The following SASH1 variants were observed in gnomAD, a reference collection of about 807,000 sequenced individuals.
The protein encoded by SASH1 is SAM and SH3 domain containing 1.
SASH1 carries 44 observed loss-of-function variants against 125.2 expected under a neutral mutation model. The observed-to-expected ratio is 0.35, with a 90% CI of 0.28 to 0.45. The LOEUF (loss-of-function observed/expected upper bound fraction) is 0.45. Among genes scored for constraint, SASH1 ranks in the 20% least tolerant of loss-of-function variants. The pLI, the probability that SASH1 is intolerant of heterozygous loss-of-function variation, is 1.00. For synonymous variants in SASH1, 639 were observed against 649.1 expected, an observed-to-expected ratio of 0.98 and a Z score of 0.24; for missense variants, 1,426 against 1,614.5, an observed-to-expected ratio of 0.88 and a Z score of 2.00.
intron 8 of SASH1, chr6:148,513,785 A>G: frequency 1.0e-6 from 1 of 985,966 alleles, no homozygotes; most frequent in Non-Finnish European, 1.2e-6. Context: ...GCAATGTGGC[A>G]GACAGTCTTA....
chr6:148,208,649 G>T, the SASH1 span, among the ~76,000 whole-genome samples: 1 of 152,172 alleles, frequency 6.6e-6, no homozygotes, highest in Non-Finnish European at 1.5e-5. Context: ...AATGAACAGG[G>T]GATAGGTTTA....
chr6:148,380,002 T>G (rs1454248676), intron 1 of SASH1: 1 of 455,664 alleles, frequency 2.2e-6, no homozygotes, highest in Middle Eastern at 3.3e-4. Flanking sequence ...AAGAGTATTT[T>G]TCAGTTGTTA....
chr6:148,516,705 C>A (rs1479196120), intron 9 of SASH1, among the ~76,000 whole-genome samples: 1 of 151,882 alleles, frequency 6.6e-6, no homozygotes, highest in East Asian at 1.9e-4. Context: ...CTTACACCAT[C>A]CTCATTTCGA....
chr6:148,206,406 T>C, the SASH1 span, among the ~76,000 whole-genome samples: 1 of 152,240 alleles, frequency 6.6e-6, no homozygotes, highest in South Asian at 2.1e-4. Context: ...ATTTACTTCC[T>C]TTGAAATTTT....
chr6:148,424,687 A>G (rs1775734045), intron 2 of SASH1, among the ~76,000 whole-genome samples: 1 of 152,148 alleles, frequency 6.6e-6, no homozygotes, highest in South Asian at 2.1e-4. Context: ...TAACTTTAAA[A>G]TCCTTAGTCT....
chr6:148,421,013 G>A (rs569756282), intron 2 of SASH1, among the ~76,000 whole-genome samples: 1 of 152,028 alleles, frequency 6.6e-6, no homozygotes, highest in East Asian at 1.9e-4. Context: ...GAACCTGGGA[G>A]GCGGAGGTTG....
rs1490570990 is a variant in SASH1 at position 148,495,545 on chromosome 6, C to T, written c.729+7830C>T. On this transcript the variant is annotated intron_variant, in intron 8 of 19. Transcript: ENST00000367467. The surrounding 1 kb of genome is among the most constrained non-coding windows in gnomAD (Gnocchi z 4.0). ...ATTTCAAAGGTGTTAACATATAAACCTATATCATTAGCTTCATCATGTGGA... is the reference window on the plus strand; with the variant it reads ...ATTTCAAAGGTGTTAACATATAAACTTATATCATTAGCTTCATCATGTGGA... Among the ~76,000 whole-genome samples the T allele has an allele frequency of 6.6e-6, 1 of 151,898 alleles. No homozygotes were observed. The highest frequency in any genetic ancestry group is 1.5e-5 in the Non-Finnish European group (1 of 67,980).
intron 8 of SASH1, 97 bp from the exon 9 acceptor site, chr6:148,514,227 C>G: frequency 4.0e-6 from 6 of 1,506,610 alleles, no homozygotes; most frequent in Non-Finnish European, 5.3e-6. Context: ...ACAGAGCTGC[C>G]GAGGTTCAGA....
rs140862234 is a variant in SASH1 at position 148,487,202 on chromosome 6, G to T, written c.628-412G>T. ...CTGTCATTTTCTCTTCCTAAAAAGG[G>T]CATGCATGTTTTTGACTTACACACT... On this transcript the variant is annotated intron_variant, in intron 7 of 19. Coordinates refer to ENST00000367467, the MANE Select transcript of SASH1 (RefSeq NM_015278.5). Among the ~76,000 whole-genome samples, 242 of 150,102 alleles carry T rather than the reference G, an allele frequency of 1.6e-3. 1 individual carries two copies. The highest frequency in any genetic ancestry group is 4.9e-3 in the African/African-American group (199 of 40,710).
At chr6:148,360,451 G>T (rs569356971) in intron 1 of SASH1, among the ~76,000 whole-genome samples, 1 of 151,324 alleles carries the variant, frequency 6.6e-6, no homozygotes, top group African/African-American at 2.4e-5. Flanking sequence ...GGGTTCAAGC[G>T]ATTCTCTCGC....
chr6:148,434,070 T>G (rs1228517721), intron 2 of SASH1, among the ~76,000 whole-genome samples: 6 of 21,486 alleles, frequency 2.8e-4, no homozygotes, highest in Non-Finnish European at 2.1e-4. Context: ...GAGATTTTTT[T>G]TTTTTTTTTT....
intron 1 of SASH1, among the ~76,000 whole-genome samples, chr6:148,319,022 C>CTTTTTTTTTTTTTTTTTTTTTT (rs10695657): frequency 4.5e-5 from 3 of 66,684 alleles, no homozygotes; most frequent in African/African-American, 6.0e-5. Context: ...CATTTATCTT[C>CTTTTTTTTTTTTTTTTTTTTTT]TTTTTTTTTT....
At chr6:148,338,426 CA>C (rs5880773), upstream of SASH1, among the ~76,000 whole-genome samples, 98 of 133,004 alleles carry the variant, frequency 7.4e-4, no homozygotes, top group Middle Eastern at 3.8e-3. Flanking sequence ...GACTCCATCT[CA>C]AAAAAAAAAA....
At chr6:148,405,455 G>A (rs567714946) in intron 2 of SASH1, among the ~76,000 whole-genome samples, 11 of 152,136 alleles carry the variant, frequency 7.2e-5, no homozygotes, top group African/African-American at 2.4e-4. Context: ...TCTACTCCAG[G>A]CTCAGGTTAG....
chr6:148,378,705 G>T (rs894286629), intron 1 of SASH1, among the ~76,000 whole-genome samples: 2 of 152,110 alleles, frequency 1.3e-5, no homozygotes, highest in Non-Finnish European at 2.9e-5. Context: ...TTCTCTTCCT[G>T]TTGGGCTGTG....
At position 148,471,496 on chromosome 6, in the gene SASH1, T is replaced by C. The variant is rs1422745740; in HGVS notation, c.507T>C (p.Thr169=). ...RKNQKGIMRQ[T]SKGEDVGYVA... is the part of the protein sequence containing the mutation. ...ACCAGAAAGGAATAATGAGACAGAC[T>C]TCAAAAGGTACTGCAATGCAGCTGG... The change falls in exon 6 of 20, where the codon ACT becomes ACC. Residue 169 remains threonine, a synonymous_variant. Coordinates refer to ENST00000367467, the MANE Select transcript of SASH1 (RefSeq NM_015278.5). 6.3e-7 allele frequency: 1 copy of C among 1,582,710 alleles called. No individual in the cohort carries two copies. Among genetic ancestry groups the C allele is most frequent in the Middle Eastern group, 1.7e-4 (1 of 5,984 alleles).
intron 5 of SASH1, among the ~76,000 whole-genome samples, chr6:148,471,185 C>G (rs1298869118): frequency 6.6e-6 from 1 of 151,708 alleles, no homozygotes; most frequent in Non-Finnish European, 1.5e-5. Flanking sequence ...TCCGTTTCTC[C>G]TCTTAACCTC....
chr6:148,534,671 G>A, intron 15 of SASH1, 80 bp from the exon 16 acceptor site: 1 of 1,342,328 alleles, frequency 7.4e-7, no homozygotes, highest in Non-Finnish European at 1.1e-6. Flanking sequence ...ACAGTGTGTG[G>A]GTTGCAGGCT....
chr6:148,314,082 G>A (rs971770131), intron 1 of SASH1, among the ~76,000 whole-genome samples: 7 of 152,034 alleles, frequency 4.6e-5, no homozygotes, highest in African/African-American at 1.7e-4. Context: ...AAAACAAAAA[G>A]GAGTGGGATG....
Sources: allele counts gnomAD v4.1 joint callset (sites outside exome capture counted in the v4.1 genomes callset), GRCh38; gene constraint gnomAD v4.1.1; non-coding constraint Gnocchi (gnomAD v3.1); transcripts MANE v1.5; gene names NCBI Gene and HGNC (gene_info 2026-07-23, HGNC 2026-07-21).